LARGE1: variants seen among roughly 807,000 people sequenced by gnomAD.
The protein encoded by LARGE1 is xylosyl- and glucuronyltransferase LARGE1.
In LARGE1, 43 loss-of-function variants were observed where a neutral mutation model predicts 87.6. That is an observed-to-expected ratio of 0.49 (90% confidence interval 0.38 to 0.63). LARGE1 has a LOEUF of 0.63. LARGE1 is among the 30% of genes least tolerant of loss of function. The probability of loss-of-function intolerance (pLI) is 0.00; values close to 1 mark genes in which losing one functional copy is unlikely to be tolerated. For missense variants in LARGE1, 802 were observed against 1,000.2 expected (o/e 0.80, Z 2.67); for synonymous variants, 434 against 394.6 (o/e 1.10, Z -1.18).
intron 6 of LARGE1, among the ~76,000 whole-genome samples, chr22:33,496,922 T>C (rs1234042265): frequency 2.0e-5 from 3 of 152,222 alleles, no homozygotes; most frequent in Non-Finnish European, 4.4e-5. Context: ...CATTTTATTT[T>C]TGCTTTCTGT....
chr22:33,513,019 G>A (rs1053207655), intron 6 of LARGE1, among the ~76,000 whole-genome samples: 8 of 151,860 alleles, frequency 5.3e-5, no homozygotes, highest in Admixed American at 3.9e-4. Flanking sequence ...GCAAAAGGAG[G>A]TGCCTAATGC....
chr22:33,194,789 AT>A (rs1053026695), intron 11 of LARGE1, among the ~76,000 whole-genome samples: 1 of 152,164 alleles, frequency 6.6e-6, no homozygotes, highest in Non-Finnish European at 1.5e-5. Context: ...CAACTGCGTA[AT>A]CTTACAGAAA....
intron 2 of LARGE1, among the ~76,000 whole-genome samples, chr22:33,662,809 C>G (rs1308707192): frequency 1.3e-5 from 2 of 151,984 alleles, no homozygotes; most frequent in Non-Finnish European, 2.9e-5. Flanking sequence ...CTGTAAAATG[C>G]CACTTCACCT....
chr22:33,509,239 A>C (rs976784716), intron 6 of LARGE1, among the ~76,000 whole-genome samples: 1 of 152,148 alleles, frequency 6.6e-6, no homozygotes, highest in Non-Finnish European at 1.5e-5. Flanking sequence ...AGTGAGGCTG[A>C]TGCTGCTGGT....
chr22:33,620,846 A>G (rs1373572498), intron 4 of LARGE1, among the ~76,000 whole-genome samples: 1 of 152,072 alleles, frequency 6.6e-6, no homozygotes, highest in East Asian at 1.9e-4. Flanking sequence ...GAACCCAGGA[A>G]GTGGAGGTTT....
At chr22:33,662,076 CA>C (rs34470280) in intron 2 of LARGE1, among the ~76,000 whole-genome samples, 1,703 of 54,896 alleles carry the variant, frequency 0.031, 13 homozygotes, top group African/African-American at 0.11. Flanking sequence ...GCTTAGGAGC[CA>C]AAAAAAAAAA....
At chr22:33,181,827 CTTTTTTTTTTTT>C (rs56347007) in intron 11 of LARGE1, among the ~76,000 whole-genome samples, 1 of 128,476 alleles carries the variant, frequency 7.8e-6, no homozygotes. Context: ...TATGCCTGGC[CTTTTTTTTTTTT>C]TTTTTTTTTT....
intron 1 of LARGE1, among the ~76,000 whole-genome samples, chr22:33,846,162 G>A (rs993076827): frequency 3.3e-5 from 5 of 152,130 alleles, no homozygotes; most frequent in Non-Finnish European, 7.4e-5. Flanking sequence ...GTTCTGTTGC[G>A]GGAAGTCAGG....
chr22:33,081,107 T>C, the LARGE1 span, among the ~76,000 whole-genome samples: 2 of 152,294 alleles, frequency 1.3e-5, no homozygotes, highest in East Asian at 3.9e-4. Flanking sequence ...CTTTTGAAGG[T>C]AATCACTCTC....
chr22:33,383,237 G>A (rs370787294), intron 8 of LARGE1, among the ~76,000 whole-genome samples: 32 of 152,262 alleles, frequency 2.1e-4, no homozygotes, highest in South Asian at 4.2e-4. Flanking sequence ...TTCCTAGGAC[G>A]TCAAAATGAG....
At chr22:33,835,296 G>A (rs771981667) in intron 1 of LARGE1, among the ~76,000 whole-genome samples, 16 of 152,200 alleles carry the variant, frequency 1.1e-4, no homozygotes, top group Non-Finnish European at 2.4e-4. Flanking sequence ...GTCTGTAAAG[G>A]CAGGCAAGTC....
intron 2 of LARGE1, among the ~76,000 whole-genome samples, chr22:33,687,745 G>A (rs2081987044): frequency 6.6e-6 from 1 of 152,176 alleles, no homozygotes. Flanking sequence ...CATGGAAGAC[G>A]GAAGAGGTGG....
intron 6 of LARGE1, among the ~76,000 whole-genome samples, chr22:33,522,536 A>C (rs1190034658): frequency 6.6e-6 from 1 of 152,124 alleles, no homozygotes; most frequent in Non-Finnish European, 1.5e-5. Flanking sequence ...TTGTCTCTAA[A>C]AAAAATACAA....
chr22:33,191,602 C>T (rs1462856126), intron 11 of LARGE1, among the ~76,000 whole-genome samples: 2 of 152,130 alleles, frequency 1.3e-5, no homozygotes, highest in African/African-American at 4.8e-5. Flanking sequence ...CCCATAATAC[C>T]ACTCTGCCCC....
chr22:33,713,557 G>A (rs943427328), intron 2 of LARGE1, among the ~76,000 whole-genome samples: 13 of 152,016 alleles, frequency 8.6e-5, no homozygotes, highest in Non-Finnish European at 1.5e-4. Context: ...CCTAATTGGT[G>A]GTTCTGTTGT....
intron 2 of LARGE1, among the ~76,000 whole-genome samples, chr22:33,653,157 G>T (rs2080869349): frequency 6.6e-6 from 1 of 152,156 alleles, no homozygotes; most frequent in Non-Finnish European, 1.5e-5. Context: ...GGCTTCCTCG[G>T]GAGTTACACC....
intron 6 of LARGE1, among the ~76,000 whole-genome samples, chr22:33,474,141 T>A (rs1015733530): frequency 7.9e-5 from 12 of 152,104 alleles, no homozygotes; most frequent in Non-Finnish European, 1.8e-4. Flanking sequence ...GGCCAATGTA[T>A]CTAGTCTTTT....
intron 7 of LARGE1, among the ~76,000 whole-genome samples, chr22:33,397,248 T>C (rs2065780230): frequency 6.6e-6 from 1 of 152,188 alleles, no homozygotes; most frequent in Non-Finnish European, 1.5e-5. Context: ...CCCGAGTAGC[T>C]GGGATAACAG....
intron 3 of LARGE1, among the ~76,000 whole-genome samples, chr22:33,627,693 C>T (rs778804505): frequency 3.9e-5 from 6 of 152,260 alleles, no homozygotes; most frequent in African/African-American, 7.2e-5. Context: ...TATATCAGCA[C>T]GGGAGGCTCG....
Sources: allele counts gnomAD v4.1 joint callset (sites outside exome capture counted in the v4.1 genomes callset), GRCh38; gene constraint gnomAD v4.1.1; transcripts MANE v1.5; gene names NCBI Gene and HGNC (gene_info 2026-07-23, HGNC 2026-07-21).